ZNF316: variants seen among roughly 807,000 people sequenced by gnomAD.
ZNF316 encodes the protein zinc finger protein 316.
ZNF316 carries 23 observed loss-of-function variants against 75.6 expected under a neutral mutation model. The ratio of observed to expected loss-of-function variants is 0.30; its 90% CI spans 0.22 to 0.43. The LOEUF (loss-of-function observed/expected upper bound fraction) is 0.43, where lower values mean the gene tolerates loss of function less well. Ranked by LOEUF, ZNF316 falls within the 20% of genes least tolerant of loss-of-function variation. The pLI is 1.00. For missense variants in ZNF316, 1,266 were observed against 1,409.4 expected (o/e 0.90, Z 1.63); for synonymous variants, 827 against 666.2 (o/e 1.24, Z -3.72).
At chr7:6,645,553 G>A (rs1355321006) in intron 8 of ZNF316, among the ~76,000 whole-genome samples, 4 of 151,812 alleles carry the variant, frequency 2.6e-5, no homozygotes, top group East Asian at 1.9e-4. Context: ...GTGTGGTGGC[G>A]TGTGCCTGTA....
Position 6,654,482 on chromosome 7 carries a change from G to A in ZNF316, c.2886G>A (p.Gly962=). 1 of 1,183,694 alleles carries A rather than the reference G, an allele frequency of 8.4e-7. No individual in the cohort carries two copies. Among genetic ancestry groups the A allele is most frequent in the Non-Finnish European group, 1.0e-6 (1 of 957,264 alleles). The allele number at this position is 1,183,694 out of a possible 1,614,324, so 73.3% of individuals were successfully genotyped here. A position where few individuals can be genotyped will look rare whatever the true frequency, so the allele number is the denominator to read the frequency against. ...PAPKPEAAAK[G]PSSAGPGERG... ...CCAAGCCCGAGGCGGCCGCCAAGGG[G>A]CCGTCCAGTGCCGGCCCCGGTGAGC... The change falls in exon 9 of 9, where the codon GGG becomes GGA. Residue 962 remains glycine, a synonymous_variant. Coordinates refer to ENST00000382252, the MANE Select transcript of ZNF316 (RefSeq NM_001278559.2).
chr7:6,642,168 C>T lies in ZNF316; in HGVS notation c.-29+206C>T. The T allele has an allele frequency of 2.6e-6, 1 of 381,910 alleles. No individual in the cohort carries two copies. Among genetic ancestry groups the T allele is most frequent in the Non-Finnish European group, 4.6e-6 (1 of 215,648 alleles). 23.7% of individuals were successfully genotyped at this position (381,910 alleles called of 1,614,324 possible). ...GCATCCCAGGGGTCACGCGGAGGGG[C>T]CATTGGGGCAGCCTTTCTGGGTACA... On this transcript the variant is annotated intron_variant, in intron 4 of 8. Transcript: ENST00000382252. This position sits in a 1 kb window ranked among gnomAD's most constrained non-coding sequence, Gnocchi z 8.1.
In ZNF316 at chr7:6,642,291, C is replaced by A; in HGVS notation, c.-28-91C>A. On this transcript the variant is annotated intron_variant, in intron 4 of 8. Coordinates refer to ENST00000382252, the MANE Select transcript of ZNF316 (RefSeq NM_001278559.2). The surrounding 1 kb of genome is among the most constrained non-coding windows in gnomAD (Gnocchi z 8.1). ...ATAACAGGAGGAGTAAATCCTGCTC[C>A]CTGCGCCCCCGCCAGGCTGCGGGAG... is the stretch of plus-strand genomic sequence containing the variant. 1 of 559,546 alleles carries A rather than the reference C, an allele frequency of 1.8e-6. No homozygotes were observed. The highest frequency in any genetic ancestry group is 2.7e-6 in the Non-Finnish European group (1 of 373,876). 34.7% of individuals were successfully genotyped at this position (559,546 alleles called of 1,614,324 possible).
At chr7:6,648,750 G>T (rs961950074) in intron 8 of ZNF316, among the ~76,000 whole-genome samples, 1 of 152,206 alleles carries the variant, frequency 6.6e-6, no homozygotes, top group Non-Finnish European at 1.5e-5. Context: ...GTAGCATCCC[G>T]GCCTGGCCCC....
In ZNF316 at chr7:6,652,584, T is replaced by C; in HGVS notation, c.988T>C (p.Trp330Arg). 1 of 1,230,662 alleles carries C rather than the reference T, an allele frequency of 8.1e-7. No homozygotes were observed. The highest frequency in any genetic ancestry group is 1.0e-6 in the Non-Finnish European group (1 of 987,212). 76.2% of individuals were successfully genotyped at this position (1,230,662 alleles called of 1,614,324 possible). Residue 330 changes from tryptophan to arginine, a missense_variant, in exon 9 of 9, where the codon TGG (tryptophan) becomes CGG (arginine). By Grantham distance (101) the Trp-to-Arg change is moderately radical. Transcript: ENST00000382252. ...GCCGGGTGCGAACCTGCTGTCGCCC[T>C]GGGCGTTCCCCGCCGCAGTGGCCCC... ...REPGANLLSPWAFPAAVAPPA... is the reference protein window; with the variant it reads ...REPGANLLSPRAFPAAVAPPA...
Position 6,654,083 on chromosome 7 carries a change from G to A in ZNF316, c.2487G>A (p.Lys829=), listed in dbSNP as rs1410032483. The A allele has an allele frequency of 6.6e-6, 8 of 1,214,732 alleles. No homozygotes were observed. Among genetic ancestry groups the A allele is most frequent in the Non-Finnish European group, 2.0e-6 (2 of 976,704 alleles). 75.2% of individuals were successfully genotyped at this position (1,214,732 alleles called of 1,614,324 possible). The change falls in exon 9 of 9, where the codon AAG becomes AAA. Residue 829 remains lysine, a synonymous_variant. Transcript: ENST00000382252. Reference sequence around the variant, plus strand: ...ATCAGTGGGCGCACGCCGAGGAGAAGCCGCACCGCTGCCCCGACTGCGGCA... The same window carrying A: ...ATCAGTGGGCGCACGCCGAGGAGAAACCGCACCGCTGCCCCGACTGCGGCA... ...TRHQWAHAEE[K]PHRCPDCGKG...
intron 8 of ZNF316, among the ~76,000 whole-genome samples, chr7:6,647,243 T>C (rs987363138): frequency 1.3e-5 from 2 of 152,024 alleles, no homozygotes; most frequent in Non-Finnish European, 2.9e-5. Flanking sequence ...GTGCCTGTCC[T>C]CAGAGAGGCC....
In ZNF316 at chr7:6,654,557, G is replaced by A; in HGVS notation, c.2961G>A (p.Glu987=). 1 of 1,187,150 alleles carries A rather than the reference G, an allele frequency of 8.4e-7. No homozygotes were observed. Among genetic ancestry groups the A allele is most frequent in the Non-Finnish European group, 1.0e-6 (1 of 959,322 alleles). 73.5% of individuals were successfully genotyped at this position (1,187,150 alleles called of 1,614,324 possible). ...CGGGCGGCACAAGCTTCGGCTCCGA[G>A]CACCAGGCCGCGTTCGCCGGGCCCT... The part of the protein sequence containing the change: ...EFAGGTSFGS[E]HQAAFAGPSG... The change falls in exon 9 of 9, where the codon GAG becomes GAA. Residue 987 remains glutamate, a synonymous_variant. Coordinates refer to ENST00000382252, the MANE Select transcript of ZNF316 (RefSeq NM_001278559.2).
Position 6,653,501 on chromosome 7 carries a change from C to G in ZNF316, c.1905C>G (p.Pro635=), listed in dbSNP as rs968891448. Residue 635 remains proline, a synonymous_variant, in exon 9 of 9, where the codon CCC becomes CCG. Transcript: ENST00000382252. ...TCGACGGGCGCCCGCTCCCGGCGCC[C>G]CTGGGGGGCCCGCTCTCCCTGGTGG... ...LPVDGRPLPA[P]LGGPLSLVEG... 2.3e-5 allele frequency: 28 copies of G among 1,220,876 alleles called. 1 individual carries two copies. The East Asian group carries it at 7.7e-4, about 34-fold the overall frequency. The allele number at this position is 1,220,876 out of a possible 1,614,324, so 75.6% of individuals were successfully genotyped here. A position where few individuals can be genotyped will look rare whatever the true frequency, so the allele number is the denominator to read the frequency against.
rs1779561069 is a variant in ZNF316 at position 6,653,629 on chromosome 7, A to C, written c.2033A>C (p.Glu678Ala). Residue 678 changes from glutamate to alanine, a missense_variant, in exon 9 of 9, where the codon GAG (glutamate) becomes GCG (alanine). Physicochemically the swap from Glu to Ala is moderately radical, Grantham distance 107. Around this residue, in one of 3 missense-constraint regions of ZNF316, gnomAD observed 961 missense variants for 990.9 expected, o/e 0.97. Transcript: ENST00000382252. Reference sequence around the variant, plus strand: ...CCCGCCATCGGGGGTCTGCTGGCGGAGCCCGCGCCGGCCGCGCTGGCGGAG... The same window carrying C: ...CCCGCCATCGGGGGTCTGCTGGCGGCGCCCGCGCCGGCCGCGCTGGCGGAG... ...FGPAIGGLLA[E>A]PAPAALAEEE... 9.4e-7 allele frequency: 1 copy of C among 1,062,186 alleles called. No individual in the cohort carries two copies. The allele number at this position is 1,062,186 out of a possible 1,614,324, so 65.8% of individuals were successfully genotyped here. A position where few individuals can be genotyped will look rare whatever the true frequency, so the allele number is the denominator to read the frequency against.
intron 8 of ZNF316, 49 bp downstream of exon 8, chr7:6,644,642 T>C: frequency 8.9e-7 from 1 of 1,122,762 alleles, no homozygotes; most frequent in Non-Finnish European, 1.1e-6. Context: ...TTCTCAGAGC[T>C]GTTGTCAAAC....
rs77986371 is a variant in ZNF316, at chr7:6,649,903, C to T, written c.707-2400C>T. Among the ~76,000 whole-genome samples the T allele has an allele frequency of 7.7e-4, 117 of 152,262 alleles. 2 individuals are homozygous for T. In the East Asian group the frequency reaches 0.019, roughly 24 times the overall value. ...AAGTGAGAGGATTCCCTGCTGCGAT[C>T]AGGATCAAGGGAGAGGTGATGGGAG... On this transcript the variant is annotated intron_variant, in intron 8 of 8. Transcript: ENST00000382252.
At chr7:6,638,788 G>C (rs921226794) in intron 2 of ZNF316, among the ~76,000 whole-genome samples, 39 of 152,168 alleles carry the variant, frequency 2.6e-4, no homozygotes, top group African/African-American at 9.4e-4. Context: ...TCTGGTTTGG[G>C]ATTGATGCTG....
At chr7:6,647,616 T>G (rs1779430536) in intron 8 of ZNF316, among the ~76,000 whole-genome samples, 1 of 152,170 alleles carries the variant, frequency 6.6e-6, no homozygotes, top group Non-Finnish European at 1.5e-5. Flanking sequence ...GTGGATGGGT[T>G]GTCAGAGGGA....
In ZNF316 at chr7:6,653,224, G is replaced by A. The variant is rs1779546161; in HGVS notation, c.1628G>A (p.Gly543Asp). ...TDPGPEGSEV[G>D]EADGEAEAAA... ...CCTGGGCCAGAGGGATCTGAAGTTGGCGAGGCGGACGGAGAGGCGGAGGCC... is the reference window on the plus strand; with the variant it reads ...CCTGGGCCAGAGGGATCTGAAGTTGACGAGGCGGACGGAGAGGCGGAGGCC... The change falls in exon 9 of 9, where the codon GGC becomes GAC. Residue 543 changes from glycine to aspartate, a missense_variant. Coordinates refer to ENST00000382252, the MANE Select transcript of ZNF316 (RefSeq NM_001278559.2). The A allele has an allele frequency of 1.6e-6, 2 of 1,224,172 alleles. No individual in the cohort carries two copies. The highest frequency in any genetic ancestry group is 4.3e-5 in the Admixed American group (1 of 23,414). 75.8% of individuals were successfully genotyped at this position (1,224,172 alleles called of 1,614,324 possible). A position where few individuals can be genotyped will look rare whatever the true frequency, so the allele number is the denominator to read the frequency against.
chr7:6,645,192 A>G (rs1338830819), intron 8 of ZNF316, among the ~76,000 whole-genome samples: 1 of 152,168 alleles, frequency 6.6e-6, no homozygotes, highest in East Asian at 1.9e-4. Flanking sequence ...CATCTGAAGA[A>G]ATTGAACTCA....
rs1447969119 is a variant in ZNF316, at chr7:6,639,421, T to C, written c.-167+280T>C. 6.6e-6 allele frequency among the ~76,000 whole-genome samples: 1 copy of C among 152,130 alleles called. No homozygotes were observed. Among genetic ancestry groups the C allele is most frequent in the Non-Finnish European group, 1.5e-5 (1 of 68,026 alleles). On this transcript the variant is annotated intron_variant, in intron 3 of 8. Coordinates refer to ENST00000382252, the MANE Select transcript of ZNF316 (RefSeq NM_001278559.2). The surrounding 1 kb of genome is among the most constrained non-coding windows in gnomAD (Gnocchi z 4.2). ...CAGTCTCATAAGTGTATTTTTAAGATGTGGTGAGTGCTGTGAGGGAAGAAT... is the reference window on the plus strand; with the variant it reads ...CAGTCTCATAAGTGTATTTTTAAGACGTGGTGAGTGCTGTGAGGGAAGAAT...
Position 6,640,507 on chromosome 7 carries a change from C to G in ZNF316, c.-166-1318C>G, listed in dbSNP as rs913421118. On this transcript the variant is annotated intron_variant, in intron 3 of 8. Coordinates refer to ENST00000382252, the MANE Select transcript of ZNF316 (RefSeq NM_001278559.2). This position sits in a 1 kb window ranked among gnomAD's most constrained non-coding sequence, Gnocchi z 5.1. ...GTCCTGTGAACTCATTACTCACTGTCTCCAAGGGGATGGCCCAAGATTCAG... is the reference window on the plus strand; with the variant it reads ...GTCCTGTGAACTCATTACTCACTGTGTCCAAGGGGATGGCCCAAGATTCAG... Among the ~76,000 whole-genome samples the G allele has an allele frequency of 6.6e-6, 1 of 152,214 alleles. No individual in the cohort carries two copies. The highest frequency in any genetic ancestry group is 2.4e-5 in the African/African-American group (1 of 41,470).
intron 8 of ZNF316, among the ~76,000 whole-genome samples, chr7:6,647,702 G>T (rs1419926920): frequency 2.0e-5 from 3 of 152,256 alleles, no homozygotes; most frequent in Admixed American, 1.3e-4. Flanking sequence ...CTGGAGAGCA[G>T]GTTCCAGACT....
Sources: gnomAD v4.1 joint callset for allele counts (sites outside exome capture counted in the v4.1 genomes callset) on GRCh38, gnomAD v4.1.1 for gene constraint, gnomAD v4.1.1 regional missense constraint, Gnocchi (gnomAD v3.1) non-coding constraint, MANE v1.5 for transcripts, NCBI Gene and HGNC (gene_info 2026-07-23, HGNC 2026-07-21) for gene names.